The following MAMDC4 variants were observed in gnomAD, a reference collection of about 807,000 sequenced individuals.
MAMDC4 encodes apical endosomal glycoprotein.
A neutral mutation model predicts 153.3 loss-of-function variants in MAMDC4; 168 were observed. The ratio of observed to expected loss-of-function variants is 1.10; its 90% CI spans 0.97 to 1.25. The LOEUF (loss-of-function observed/expected upper bound fraction) is 1.25, where lower values mean the gene tolerates loss of function less well. Among genes scored for constraint, MAMDC4 ranks in the 50% most tolerant of loss-of-function variants. MAMDC4 has a pLI of 0.00. For missense variants in MAMDC4, 1,701 were observed against 1,542.8 expected (o/e 1.10, Z -1.72); for synonymous variants, 744 against 651.5 (o/e 1.14, Z -2.16).
Position 136,855,573 on chromosome 9 carries a change from T to A in MAMDC4, c.1425T>A (p.Cys475Ter), listed in dbSNP as rs771537933. 6.3e-7 allele frequency: 1 copy of A among 1,591,466 alleles called. No individual in the cohort carries two copies. The highest frequency in any genetic ancestry group is 8.6e-7 in the Non-Finnish European group (1 of 1,169,272). Residue 475 changes from cysteine (C) to a stop codon, truncating the protein, a stop_gained, in exon 12 of 27, where the codon TGT becomes TGA. Coordinates refer to ENST00000317446, the MANE Select transcript of MAMDC4 (RefSeq NM_206920.3). LOFTEE classifies it high-confidence loss of function. Reference protein sequence around the residue: ...GDLCVPPEQLCDFEEQCAGGE... With the variant: ...GDLCVPPEQL The stretch of plus-strand genomic sequence containing the variant: ...TGTGTGTGCCCCCGGAACAACTGTG[T>A]GACTTCGAGGAGCAGTGCGCAGGGG...
At position 136,857,299 on chromosome 9, in the gene MAMDC4, G is replaced by A; in HGVS notation, c.2106+1G>A. ...GCCTGGCTCCCATGCCCAGTACCAG[G>A]TGAGGCCTGGCACCCGGGTGGGAGG... On this transcript the variant is annotated splice_donor_variant, in intron 17 of 26. Transcript: ENST00000317446. LOFTEE classifies it high-confidence loss of function. 1 of 1,604,598 alleles carries A rather than the reference G, an allele frequency of 6.2e-7. No individual in the cohort carries two copies.
In MAMDC4 at chr9:136,855,795, A is replaced by C; in HGVS notation, c.1535A>C (p.Gln512Pro). The C allele has an allele frequency of 6.5e-7, 1 of 1,549,228 alleles. No homozygotes were observed. The highest frequency in any genetic ancestry group is 8.7e-7 in the Non-Finnish European group (1 of 1,147,444). ...GAGGACGCCAGCGTGGGGCGGCTGCAGTGGCGGCGTGTCTCAGCCCAGGAG... is the reference window on the plus strand; with the variant it reads ...GAGGACGCCAGCGTGGGGCGGCTGCCGTGGCGGCGTGTCTCAGCCCAGGAG... ...GWEDASVGRLQWRRVSAQESQ... is the reference protein window; with the variant it reads ...GWEDASVGRLPWRRVSAQESQ... Residue 512 changes from glutamine (Q) to proline (P), a missense_variant, in exon 13 of 27, where the codon CAG becomes CCG. Coordinates refer to ENST00000317446, the MANE Select transcript of MAMDC4 (RefSeq NM_206920.3).
chr9:136,854,472 G>A, intron 7 of MAMDC4, 67 bp from the exon 8 acceptor site: 1 of 1,543,514 alleles, frequency 6.5e-7, no homozygotes, highest in South Asian at 1.2e-5. Context: ...GGCCCCCCTG[G>A]AGCTGGGGCC....
At position 136,853,316 on chromosome 9, in the gene MAMDC4, C is replaced by G. The variant is rs1477536763; in HGVS notation, c.186C>G (p.Ala62=). The G allele has an allele frequency of 6.2e-7, 1 of 1,602,878 alleles. No homozygotes were observed. Among genetic ancestry groups the G allele is most frequent in the Non-Finnish European group, 8.5e-7 (1 of 1,172,894 alleles). Residue 62 remains alanine (A), a synonymous_variant, in exon 3 of 27, where the codon GCC becomes GCG. Transcript: ENST00000317446. The part of the protein sequence containing the change: ...GYHGASPTLG[A]PFACDFEQDP... ...ACGGGGCCTCGCCCACCCTGGGCGC[C>G]CCCTTCGCCTGTGACTTCGAGCAGG...
At position 136,855,236 on chromosome 9, in the gene MAMDC4, G is replaced by T; in HGVS notation, c.1198-18G>T. 6.3e-7 allele frequency: 1 copy of T among 1,582,680 alleles called. No individual in the cohort carries two copies. The highest frequency in any genetic ancestry group is 8.6e-7 in the Non-Finnish European group (1 of 1,165,146). On this transcript the variant is annotated intron_variant, in intron 10 of 26. Coordinates refer to ENST00000317446, the MANE Select transcript of MAMDC4 (RefSeq NM_206920.3). ...GGGGGAAATAGGCTGGGCACCCCCT[G>T]AGCCCCTCTGCCCTCAGATCCTCCT...
chr9:136,855,420 T>C lies in MAMDC4; in HGVS notation c.1283-11T>C. 1 of 1,607,368 alleles carries C rather than the reference T, an allele frequency of 6.2e-7. No individual in the cohort carries two copies. Among genetic ancestry groups the C allele is most frequent in the Non-Finnish European group, 8.5e-7 (1 of 1,176,862 alleles). On this transcript the variant is annotated splice_polypyrimidine_tract_variant and intron_variant, in intron 11 of 26. Transcript: ENST00000317446. ...CATCCCTGCCTCCTGACACCAGTTCTGCCCCCACAGAGGTGTCCACCCTGC... is the reference window on the plus strand; with the variant it reads ...CATCCCTGCCTCCTGACACCAGTTCCGCCCCCACAGAGGTGTCCACCCTGC...
At position 136,854,775 on chromosome 9, in the gene MAMDC4, C is replaced by G. The variant is rs1173880318; in HGVS notation, c.948C>G (p.Val316=). The part of the protein sequence containing the change: ...SRNSAQGSFL[V]SVAEPGTPAI... ...CCTTTCCCGCAGGCTCCTTCCTGGT[C>G]TCCGTGGCCGAGCCTGGCACCCCTG... Residue 316 remains valine (V), a synonymous_variant, in exon 9 of 27, where the codon GTC becomes GTG. Coordinates refer to ENST00000317446, the MANE Select transcript of MAMDC4 (RefSeq NM_206920.3). The G allele has an allele frequency of 5.0e-6, 8 of 1,612,680 alleles. No homozygotes were observed. The highest frequency in any genetic ancestry group is 6.8e-6 in the Non-Finnish European group (8 of 1,179,880).
rs1849079675 is a variant in MAMDC4 at position 136,860,752 on chromosome 9, A to T, written c.*149A>T. 2.5e-6 allele frequency: 2 copies of T among 787,692 alleles called. No homozygotes were observed. The highest frequency in any genetic ancestry group is 4.1e-6 in the Non-Finnish European group (2 of 491,558). The allele number at this position is 787,692 out of a possible 1,614,324, so 48.8% of individuals were successfully genotyped here. ...CCTGGGCGTTCCCTGCCCTGTGCTG[A>T]CTCTGTTGCTCTGTGAATAAACACC... On this transcript the variant is annotated 3_prime_UTR_variant, in exon 27 of 27. Transcript: ENST00000317446.
rs755642907 is a variant in MAMDC4 at position 136,858,773 on chromosome 9, G to C, written c.2876G>C (p.Trp959Ser). 6 of 1,610,790 alleles carry C rather than the reference G, an allele frequency of 3.7e-6. No homozygotes were observed. The highest frequency in any genetic ancestry group is 5.1e-6 in the Non-Finnish European group (6 of 1,179,226). The stretch of plus-strand genomic sequence containing the variant: ...CTGGGCCCCGGGGGCCGGGCCGCCT[G>C]GCTGCGCAGCGAGCCTCTGCCGGCC... Reference protein sequence around the residue: ...GVLGPGGRAAWLRSEPLPATP... With the variant: ...GVLGPGGRAASLRSEPLPATP... The change falls in exon 23 of 27, where the codon TGG (tryptophan) becomes TCG (serine). Residue 959 changes from tryptophan (W) to serine (S), a missense_variant. Trp to Ser is a radical substitution (Grantham distance 177). Transcript: ENST00000317446.
In MAMDC4 at chr9:136,853,681, GA is replaced by G; in HGVS notation, c.454+12del. 7.7e-7 allele frequency: 1 copy of G among 1,295,020 alleles called. No individual in the cohort carries two copies. Among genetic ancestry groups the G allele is most frequent in the African/African-American group, 1.5e-5 (1 of 65,096 alleles). 80.2% of individuals were successfully genotyped at this position (1,295,020 alleles called of 1,614,324 possible). On this transcript the variant is annotated intron_variant, in intron 4 of 26. Coordinates refer to ENST00000317446, the MANE Select transcript of MAMDC4 (RefSeq NM_206920.3). ...ACGCGGCCTCTGGAGGTGCACCCTG[GA>G]CCCCCAAGGCTCGTGGGGGGTGCCC... is the stretch of plus-strand genomic sequence containing the variant.
chr9:136,853,869 T>C lies in MAMDC4; in HGVS notation c.547T>C (p.Leu183=). 1 of 1,612,030 alleles carries C rather than the reference T, an allele frequency of 6.2e-7. No homozygotes were observed. Among genetic ancestry groups the C allele is most frequent in the Non-Finnish European group, 8.5e-7 (1 of 1,179,678 alleles). The part of the protein sequence containing the change: ...TGPWGPGWQE[L]AVTTGRIRGD... The stretch of plus-strand genomic sequence containing the variant: ...GCCCTGGGGCCCTGGCTGGCAGGAG[T>C]TGGCAGTGACCACAGGCCGCATCCG... Residue 183 remains leucine, a synonymous_variant, in exon 5 of 27, where the codon TTG becomes CTG. Coordinates refer to ENST00000317446, the MANE Select transcript of MAMDC4 (RefSeq NM_206920.3).
rs1399735941 is a variant in MAMDC4, at chr9:136,855,848, G to GGTGAGGC, written c.1588+1_1588+7dup. ...CCAGGGGTCCAGTGCAGCTGCTGCT[G>GGTGAGGC]GTGAGGCCCAAGGCCCAAGGCTCAA... On this transcript the variant is annotated frameshift_variant and splice_region_variant. Coordinates refer to ENST00000317446, the MANE Select transcript of MAMDC4 (RefSeq NM_206920.3). LOFTEE classifies it high-confidence loss of function. 1 of 1,503,572 alleles carries GGTGAGGC rather than the reference G, an allele frequency of 6.7e-7. No individual in the cohort carries two copies. The highest frequency in any genetic ancestry group is 2.4e-5 in the East Asian group (1 of 40,946). 93.1% of individuals were successfully genotyped at this position (1,503,572 alleles called of 1,614,324 possible).
rs566879545 is a variant in MAMDC4 at position 136,859,670 on chromosome 9, C to G, written c.3194-216C>G. 5 of 607,014 alleles carry G rather than the reference C, an allele frequency of 8.2e-6. No individual in the cohort carries two copies. In the Admixed American group the frequency reaches 1.5e-4, roughly 18 times the overall value. 37.6% of individuals were successfully genotyped at this position (607,014 alleles called of 1,614,324 possible). ...TCTCACTTGGTGAGGGAAAGAATCT[C>G]GCCTGGGGCCATGAGCCCCACCAAG... On this transcript the variant is annotated intron_variant, in intron 25 of 26. Coordinates refer to ENST00000317446, the MANE Select transcript of MAMDC4 (RefSeq NM_206920.3).
chr9:136,855,523 CA>C lies in MAMDC4; in HGVS notation c.1376del (p.Gln459ArgfsTer84), dbSNP rs1848991689. 2 of 1,593,696 alleles carry C rather than the reference CA, an allele frequency of 1.3e-6. No individual in the cohort carries two copies. Among genetic ancestry groups the C allele is most frequent in the Admixed American group, 1.7e-5 (1 of 57,312 alleles). On this transcript the variant is annotated frameshift_variant, in exon 12 of 27. Coordinates refer to ENST00000317446, the MANE Select transcript of MAMDC4 (RefSeq NM_206920.3). LOFTEE classifies it high-confidence loss of function. ...CTCGCGGCTCCAGGATTCCTGCAAGCAGGGGCATCTTGCCTGCGGGGACCTG... is the reference window on the plus strand; with the variant it reads ...CTCGCGGCTCCAGGATTCCTGCAAGCGGGGCATCTTGCCTGCGGGGACCTG... ...PSSRLQDSCK[Q>X]GHLACGDLCV...
At chr9:136,853,484 G>C (rs372169496) in intron 3 of MAMDC4, 26 bp downstream of exon 3, 1 of 1,609,530 alleles carries the variant, frequency 6.2e-7, no homozygotes, top group Non-Finnish European at 8.5e-7. Flanking sequence ...GTCTCTGTGC[G>C]CCCCTGTCCC....
chr9:136,853,920 G>A lies in MAMDC4; in HGVS notation c.585+13G>A. 1 of 1,612,702 alleles carries A rather than the reference G, an allele frequency of 6.2e-7. No individual in the cohort carries two copies. The highest frequency in any genetic ancestry group is 8.5e-7 in the Non-Finnish European group (1 of 1,179,842). On this transcript the variant is annotated intron_variant, in intron 5 of 26. Transcript: ENST00000317446. Reference sequence around the variant, plus strand: ...GGGTGACTTCCGAGTGAGCTGGGAGGGTCTGGACGAGTGGGGGCCTTGAGG... The same window carrying A: ...GGGTGACTTCCGAGTGAGCTGGGAGAGTCTGGACGAGTGGGGGCCTTGAGG...
At chr9:136,857,843 C>T (rs369011749) in intron 19 of MAMDC4, 47 bp downstream of exon 19, 4 of 1,588,484 alleles carry the variant, frequency 2.5e-6, no homozygotes, top group Non-Finnish European at 3.4e-6. Context: ...GGAAGCTTGG[C>T]CTGGTGTCCC....
rs749277398 is a variant in MAMDC4 at position 136,858,206 on chromosome 9, C to T, written c.2604C>T (p.Ala868=). 16 of 1,595,700 alleles carry T rather than the reference C, an allele frequency of 1.0e-5. No individual in the cohort carries two copies. The highest frequency in any genetic ancestry group is 1.7e-5 in the Admixed American group (1 of 58,938). ...RAWRVVFEAV[A]AGVAHSYVAL... is the part of the protein sequence containing the mutation. Reference sequence around the variant, plus strand: ...GCCAGGTGGTGTTTGAGGCAGTGGCCGCAGGCGTGGCACACTCCTACGTGG... The same window carrying T: ...GCCAGGTGGTGTTTGAGGCAGTGGCTGCAGGCGTGGCACACTCCTACGTGG... The change falls in exon 21 of 27, where the codon GCC becomes GCT. Residue 868 remains alanine (A), a synonymous_variant. Coordinates refer to ENST00000317446, the MANE Select transcript of MAMDC4 (RefSeq NM_206920.3).
Position 136,858,783 on chromosome 9 carries a change from C to A in MAMDC4, c.2886C>A (p.Ser962Arg), listed in dbSNP as rs183692211. 3 of 1,610,114 alleles carry A rather than the reference C, an allele frequency of 1.9e-6. No homozygotes were observed. In the African/African-American group the frequency reaches 4.0e-5, roughly 21 times the overall value. Residue 962 changes from serine to arginine, a missense_variant, in exon 23 of 27, where the codon AGC becomes AGA. Physicochemically the swap from Ser to Arg is moderately radical, Grantham distance 110. Coordinates refer to ENST00000317446, the MANE Select transcript of MAMDC4 (RefSeq NM_206920.3). ...GGGGCCGGGCCGCCTGGCTGCGCAG[C>A]GAGCCTCTGCCGGCCACCCCAGCCT... ...GPGGRAAWLR[S>R]EPLPATPASC...
Sources: gnomAD v4.1 joint callset for allele counts on GRCh38, gnomAD v4.1.1 for gene constraint, MANE v1.5 for transcripts, NCBI Gene and HGNC (gene_info 2026-07-23, HGNC 2026-07-21) for gene names.